Variants in RRM2 observed in about 807,000 individuals in gnomAD.
RRM2 encodes ribonucleotide reductase regulatory subunit M2, also known as ribonucleoside-diphosphate reductase subunit M2.
In RRM2, 6 loss-of-function variants were observed where a neutral mutation model predicts 45.9. The ratio of observed to expected loss-of-function variants is 0.13; its 90% CI spans 0.07 to 0.26. RRM2 has a LOEUF of 0.26. RRM2 is among the 10% of genes least tolerant of loss of function. The pLI is 1.00. For missense variants in RRM2, 343 were observed against 489.5 expected (o/e 0.70, Z 2.82); for synonymous variants, 177 against 173.0 (o/e 1.02, Z -0.18).
chr2:10,198,117 C>T (rs946617648), intron 3 of RRM2, among the ~76,000 whole-genome samples: 3 of 152,242 alleles, frequency 2.0e-5, no homozygotes, highest in Non-Finnish European at 4.4e-5. Context: ...TGCCTCTCCC[C>T]TGTATGTACC....
chr2:10,124,697 TTGA>T lies in RRM2; in HGVS notation c.436-17_436-15del, dbSNP rs1215725054. On this transcript the variant is annotated splice_polypyrimidine_tract_variant and intron_variant, in intron 4 of 9. Transcript: ENST00000304567. ...TGTTGGTTTTTTCTCAAGCTTAACTTTGATGTGTTTTGCCACTAGGTGGAGCGA... is the reference window on the plus strand; with the variant it reads ...TGTTGGTTTTTTCTCAAGCTTAACTTTGTGTTTTGCCACTAGGTGGAGCGA... The T allele has an allele frequency of 1.9e-6, 3 of 1,610,830 alleles. No individual in the cohort carries two copies. Among genetic ancestry groups the T allele is most frequent in the African/African-American group, 1.3e-5 (1 of 74,822 alleles).
At chr2:10,141,889 T>G in exon 2 of RRM2, 3 of 1,570,980 alleles carry the variant, frequency 1.9e-6, no homozygotes, top group Non-Finnish European at 2.6e-6. Flanking sequence ...GCAGATGGAG[T>G]CCAGGCCCTC....
intron 3 of RRM2, among the ~76,000 whole-genome samples, chr2:10,187,820 G>C (rs1016907128): frequency 5.9e-5 from 9 of 152,222 alleles, no homozygotes; most frequent in African/African-American, 2.2e-4. Flanking sequence ...AAGGCGAGGA[G>C]AGCCATCCGC....
At chr2:10,188,600 G>T (rs1444544765) in intron 3 of RRM2, among the ~76,000 whole-genome samples, 1 of 152,042 alleles carries the variant, frequency 6.6e-6, no homozygotes, top group Admixed American at 6.5e-5. Context: ...TGGATTTGGG[G>T]GGACACTCAG....
At position 10,210,396 on chromosome 2, in the gene RRM2, A is replaced by C. The variant is rs760925575; in HGVS notation, n.568A>C. 2.2e-6 allele frequency: 3 copies of C among 1,367,782 alleles called. No individual in the cohort carries two copies. The African/African-American group carries it at 4.4e-5, about 20-fold the overall frequency. 84.7% of individuals were successfully genotyped at this position (1,367,782 alleles called of 1,614,324 possible). On this transcript the variant is annotated non_coding_transcript_exon_variant, in exon 4 of 4. Coordinates refer to the RRM2 transcript ENST00000381786. ...TGAAGGGAGAGCCACCGTGGTGCTC[A>C]CAGCAAGACACCCAGAGTCCCTTCC...
At chr2:10,154,840 G>A (rs949400119) in intron 3 of RRM2, among the ~76,000 whole-genome samples, 3 of 151,906 alleles carry the variant, frequency 2.0e-5, no homozygotes, top group Non-Finnish European at 4.4e-5. Flanking sequence ...GGGATTACAG[G>A]CATGCGCCAC....
chr2:10,207,171 T>C (rs1028902753), intron 3 of RRM2, among the ~76,000 whole-genome samples: 8 of 152,150 alleles, frequency 5.3e-5, no homozygotes, highest in African/African-American at 1.4e-4. Flanking sequence ...GCCAGAAACA[T>C]AGACATCATC....
At chr2:10,142,678 AC>A (rs1223537619) in intron 3 of RRM2, among the ~76,000 whole-genome samples, 2 of 149,394 alleles carry the variant, frequency 1.3e-5, no homozygotes, top group Non-Finnish European at 3.0e-5. Flanking sequence ...CAGATCCCCC[AC>A]CCCACCTTCA....
chr2:10,140,050 C>A (rs186794224), upstream of RRM2, among the ~76,000 whole-genome samples: 3 of 152,066 alleles, frequency 2.0e-5, no homozygotes, highest in East Asian at 3.9e-4. Context: ...AGATCGAGAC[C>A]ATCCTGGCTA....
intron 3 of RRM2, chr2:10,192,757 C>G (rs575451039): frequency 6.5e-6 from 1 of 153,202 alleles, no homozygotes; most frequent in Admixed American, 6.5e-5. Flanking sequence ...TCCACCCCCC[C>G]CTGCTGCCAC....
At chr2:10,175,165 G>C (rs10929638) in intron 3 of RRM2, among the ~76,000 whole-genome samples, 87,394 of 152,110 alleles carry the variant, frequency 0.57, 26,810 homozygotes, top group Non-Finnish European at 0.69. Flanking sequence ...ACTCTGCACC[G>C]ACCACCTCTG....
chr2:10,179,298 C>T (rs2011595), intron 3 of RRM2, among the ~76,000 whole-genome samples: 123,884 of 151,990 alleles, frequency 0.82, 51,239 homozygotes, highest in East Asian at 1. Flanking sequence ...ATTACAGCCA[C>T]ATGCCACCAC....
At chr2:10,128,793 C>A in intron 7 of RRM2, 55 bp from the exon 8 acceptor site, 1 of 1,221,560 alleles carries the variant, frequency 8.2e-7, no homozygotes, top group Non-Finnish European at 1.2e-6. Context: ...ATTTCATATT[C>A]CATGTTAATG....
At chr2:10,183,953 C>T (rs529620887) in intron 3 of RRM2, among the ~76,000 whole-genome samples, 5 of 151,732 alleles carry the variant, frequency 3.3e-5, no homozygotes, top group African/African-American at 7.2e-5. Context: ...ATCAGCCAGG[C>T]GTGATGGCAG....
chr2:10,184,075 A>AG (rs1354231416), intron 3 of RRM2, among the ~76,000 whole-genome samples: 1 of 130,008 alleles, frequency 7.7e-6, no homozygotes, highest in Non-Finnish European at 1.6e-5. Context: ...CCTGGGTGAC[A>AG]GAGCGAGACT....
chr2:10,159,385 CTT>C (rs1250046297), intron 3 of RRM2, among the ~76,000 whole-genome samples: 1 of 152,220 alleles, frequency 6.6e-6, no homozygotes, highest in Non-Finnish European at 1.5e-5. Flanking sequence ...AGAGACCTGT[CTT>C]TTGGCTGCCA....
chr2:10,198,143 G>A (rs111992519), intron 3 of RRM2, among the ~76,000 whole-genome samples: 33 of 152,276 alleles, frequency 2.2e-4, no homozygotes, highest in Non-Finnish European at 4.1e-4. Context: ...CATCCCTTTC[G>A]GGGCTATGCA....
downstream of RRM2, among the ~76,000 whole-genome samples, chr2:10,134,939 A>G (rs1353008766): frequency 2.0e-5 from 3 of 152,256 alleles, no homozygotes; most frequent in African/African-American, 7.2e-5. Flanking sequence ...AGAAGCAAAC[A>G]TTCATTCCTA....
chr2:10,200,300 A>T (rs1664520459), intron 3 of RRM2, among the ~76,000 whole-genome samples: 1 of 152,204 alleles, frequency 6.6e-6, no homozygotes, highest in Admixed American at 6.5e-5. Flanking sequence ...AGTTGGGTGA[A>T]TTCTTCCACT....
Sources: allele counts gnomAD v4.1 joint callset (sites outside exome capture counted in the v4.1 genomes callset), GRCh38; gene constraint gnomAD v4.1.1; transcripts MANE v1.5; gene names NCBI Gene and HGNC (gene_info 2026-07-23, HGNC 2026-07-21).